Variants in COL4A1 observed in about 807,000 individuals in gnomAD.
COL4A1 encodes the protein collagen alpha-1(IV) chain.
A neutral mutation model predicts 216.6 loss-of-function variants in COL4A1; 40 were observed. That is an observed-to-expected ratio of 0.18 (90% CI 0.14 to 0.24). The LOEUF (loss-of-function observed/expected upper bound fraction) is 0.24. Among genes scored for constraint, COL4A1 ranks in the 10% least tolerant of loss-of-function variants. The probability of loss-of-function intolerance (pLI) is 1.00; values close to 1 mark genes in which losing one functional copy is unlikely to be tolerated. For synonymous variants in COL4A1, 839 were observed against 810.7 expected (o/e 1.03, Z -0.59); for missense variants, 1,628 against 2,196.8 (o/e 0.74, Z 5.18).
chr13:110,276,864 G>C (rs553778076), intron 1 of COL4A1, among the ~76,000 whole-genome samples: 1 of 152,278 alleles, frequency 6.6e-6, no homozygotes, highest in Middle Eastern at 3.4e-3. Flanking sequence ...GGCCAGATTC[G>C]GGCCACAGAT....
chr13:110,296,523 A>C (rs1451048165), intron 1 of COL4A1, among the ~76,000 whole-genome samples: 1 of 152,240 alleles, frequency 6.6e-6, no homozygotes, highest in African/African-American at 2.4e-5. Flanking sequence ...GAAGATACAA[A>C]GAGGCACAAC....
Position 110,212,482 on chromosome 13 carries a change from G to T in COL4A1, c.325-3C>A. On this transcript the variant is annotated splice_region_variant and splice_polypyrimidine_tract_variant and intron_variant, in intron 5 of 51. Transcript: ENST00000375820. ...GGGCCGTCTTGGCCAGGAATTCCCT[G>T]CAATGAAGAAAGTGAAAATGTAACC... is the stretch of plus-strand genomic sequence containing the variant. The T allele has an allele frequency of 6.2e-7, 1 of 1,614,192 alleles. No homozygotes were observed. The highest frequency in any genetic ancestry group is 8.5e-7 in the Non-Finnish European group (1 of 1,180,044).
intron 2 of COL4A1, among the ~76,000 whole-genome samples, chr13:110,223,545 C>T (rs625000): frequency 0.97 from 147,381 of 152,324 alleles, 71,495 homozygotes; most frequent in Middle Eastern, 1. Flanking sequence ...TTTTTAAAAA[C>T]ATCTTCAAAA....
At chr13:110,287,937 A>G (rs2139307813) in intron 1 of COL4A1, among the ~76,000 whole-genome samples, 1 of 152,278 alleles carries the variant, frequency 6.6e-6, no homozygotes, top group South Asian at 2.1e-4. Flanking sequence ...AACGCTGACA[A>G]CAGACCAAGA....
At chr13:110,258,067 A>G (rs572554576) in intron 1 of COL4A1, among the ~76,000 whole-genome samples, 101 of 152,330 alleles carry the variant, frequency 6.6e-4, no homozygotes, top group African/African-American at 2.4e-3. Flanking sequence ...TACAGTGCAT[A>G]CAATACAACA....
chr13:110,219,854 A>ATATATGTGTGTATATATATG lies in COL4A1; in HGVS notation c.145-5840_145-5839insCATATATATACACACATATA, dbSNP rs1566385810. Reference sequence around the variant, plus strand: ...TATGTATGTATATATGTGTATATATATGTATATATGTGTGTGTATATATGT... The same window carrying ATATATGTGTGTATATATATG: ...TATGTATGTATATATGTGTATATATATATATGTGTGTATATATATGTGTATATATGTGTGTGTATATATGT... On this transcript the variant is annotated intron_variant, in intron 2 of 51. Coordinates refer to ENST00000375820, the MANE Select transcript of COL4A1 (RefSeq NM_001845.6). Among the ~76,000 whole-genome samples the ATATATGTGTGTATATATATG allele has an allele frequency of 9.0e-4, 75 of 83,112 alleles. 1 individual carries two copies. The highest frequency in any genetic ancestry group is 2.3e-3 in the South Asian group (6 of 2,636). 54.5% of individuals were successfully genotyped at this position (83,112 alleles called of 152,430 possible).
At chr13:110,199,411 G>C (rs1024270900) in intron 20 of COL4A1, among the ~76,000 whole-genome samples, 14 of 152,340 alleles carry the variant, frequency 9.2e-5, no homozygotes, top group African/African-American at 3.1e-4. Context: ...CACAGAGCCT[G>C]AGACATCCAG....
At chr13:110,294,941 C>T (rs1338747623) in intron 1 of COL4A1, among the ~76,000 whole-genome samples, 1 of 152,158 alleles carries the variant, frequency 6.6e-6, no homozygotes, top group Non-Finnish European at 1.5e-5. Context: ...GAAATGCACA[C>T]ATGGTCTACT....
rs1198742527 is a variant in COL4A1 at position 110,161,221 on chromosome 13, C to T, written c.4611G>A (p.Thr1537=). The part of the protein sequence containing the change: ...EPMPMSMAPI[T]GENIRPFISR... Reference sequence around the variant, plus strand: ...TAATAAATGGTCTTATGTTTTCCCCCGTGATGGGTGCCATTGACATGGGCA... The same window carrying T: ...TAATAAATGGTCTTATGTTTTCCCCTGTGATGGGTGCCATTGACATGGGCA... The change falls in exon 49 of 52, where the codon ACG becomes ACA. Residue 1537 remains threonine (T), a synonymous_variant. Coordinates refer to ENST00000375820, the MANE Select transcript of COL4A1 (RefSeq NM_001845.6). 4 of 1,614,058 alleles carry T rather than the reference C, an allele frequency of 2.5e-6. No individual in the cohort carries two copies. Among genetic ancestry groups the T allele is most frequent in the South Asian group, 2.2e-5 (2 of 91,084 alleles).
rs1877055006 is a variant in COL4A1, at chr13:110,160,964, T to A, written c.4640+228A>T. On this transcript the variant is annotated intron_variant, in intron 49 of 51. Transcript: ENST00000375820. ...GCTCAAGCAACCCTCTCGCCTCGGC[T>A]TCCCAAAGTGTTGGGATTACGGGCA... The A allele has an allele frequency of 1.1e-5, 6 of 567,720 alleles. No homozygotes were observed. The East Asian group carries it at 1.9e-4, about 18-fold the overall frequency. The allele number at this position is 567,720 out of a possible 1,614,324, so 35.2% of individuals were successfully genotyped here.
At chr13:110,223,088 T>C (rs1242760063) in intron 2 of COL4A1, among the ~76,000 whole-genome samples, 1 of 152,214 alleles carries the variant, frequency 6.6e-6, no homozygotes, top group East Asian at 1.9e-4. Context: ...ACATCCATTT[T>C]ATAAATTGGG....
intron 44 of COL4A1, among the ~76,000 whole-genome samples, chr13:110,166,605 T>C (rs1877350967): frequency 6.6e-6 from 1 of 152,226 alleles, no homozygotes; most frequent in Non-Finnish European, 1.5e-5. Flanking sequence ...TTATTTCTGG[T>C]CACGTGTGTA....
At chr13:110,252,543 TTA>T (rs548342715) in intron 1 of COL4A1, among the ~76,000 whole-genome samples, 7,691 of 39,224 alleles carry the variant, frequency 0.2, 1,794 homozygotes, top group East Asian at 0.25. Context: ...TATATATGTA[TTA>T]TATATACGTA....
chr13:110,302,127 T>A (rs989813704), intron 1 of COL4A1, among the ~76,000 whole-genome samples: 1 of 151,908 alleles, frequency 6.6e-6, no homozygotes, highest in African/African-American at 2.4e-5. Context: ...CTGGGAAGCA[T>A]CCAGAAAGAA....
In COL4A1 at chr13:110,222,772, T is replaced by TAA. The variant is rs943734573; in HGVS notation, c.145-8759_145-8758dup. Among the ~76,000 whole-genome samples, 21 of 92,070 alleles carry TAA rather than the reference T, an allele frequency of 2.3e-4. 3 individuals carry two copies. Among genetic ancestry groups the TAA allele is most frequent in the African/African-American group, 8.1e-4 (19 of 23,494 alleles). The allele number at this position is 92,070 out of a possible 152,430, so 60.4% of individuals were successfully genotyped here. On this transcript the variant is annotated intron_variant, in intron 2 of 51. Coordinates refer to ENST00000375820, the MANE Select transcript of COL4A1 (RefSeq NM_001845.6). Reference sequence around the variant, plus strand: ...TGGGCGACAGAGCCAGACTCTGCTTTAAAAAAAAAAAAAAAAAAAAAAAAA... The same window carrying TAA: ...TGGGCGACAGAGCCAGACTCTGCTTTAAAAAAAAAAAAAAAAAAAAAAAAAAA...
chr13:110,183,610 G>A (rs1248409841), intron 26 of COL4A1, among the ~76,000 whole-genome samples: 3 of 152,200 alleles, frequency 2.0e-5, no homozygotes, highest in Non-Finnish European at 4.4e-5. Flanking sequence ...ATTTCTTAGT[G>A]AGCCGGTCTC....
At position 110,268,618 on chromosome 13, in the gene COL4A1, G is replaced by A. The variant is rs572713; in HGVS notation, c.85-25884C>T. ...TCAAGCCTCAGTTAAAATGCTGGCC[G>A]TGCCACTGTGCTCTGCTGGCCATTG... is the stretch of plus-strand genomic sequence containing the variant. On this transcript the variant is annotated intron_variant, in intron 1 of 51. Transcript: ENST00000375820. This position sits in a 1 kb window ranked among gnomAD's most constrained non-coding sequence, Gnocchi z 4.1. 0.1 allele frequency among the ~76,000 whole-genome samples: 15,462 copies of A among 152,240 alleles called. 1,016 individuals carry two copies. Among genetic ancestry groups the A allele is most frequent in the East Asian group, 0.31 (1,624 of 5,174 alleles).
rs1481884470 is a variant in COL4A1, at chr13:110,210,049, T to C, written c.553-7A>G. ...CTGGCAGTCCTGGTGGGCCCTAGAATGCATGAGAAAGAAATGAGTTCAGAT... is the reference window on the plus strand; with the variant it reads ...CTGGCAGTCCTGGTGGGCCCTAGAACGCATGAGAAAGAAATGAGTTCAGAT... On this transcript the variant is annotated splice_polypyrimidine_tract_variant and splice_region_variant and intron_variant, in intron 9 of 51. Coordinates refer to ENST00000375820, the MANE Select transcript of COL4A1 (RefSeq NM_001845.6). 3 of 1,613,966 alleles carry C rather than the reference T, an allele frequency of 1.9e-6. No individual in the cohort carries two copies. The highest frequency in any genetic ancestry group is 2.2e-5 in the East Asian group (1 of 44,884).
chr13:110,201,676 G>A (rs1199107673), intron 18 of COL4A1, 154 bp from the exon 19 acceptor site: 2 of 802,386 alleles, frequency 2.5e-6, no homozygotes, highest in Non-Finnish European at 2.2e-6. Context: ...AGGAGGAAGG[G>A]GATAAGCCTC....
Sources: gnomAD v4.1 joint callset for allele counts (sites outside exome capture counted in the v4.1 genomes callset) on GRCh38, gnomAD v4.1.1 for gene constraint, Gnocchi (gnomAD v3.1) non-coding constraint, MANE v1.5 for transcripts, NCBI Gene and HGNC (gene_info 2026-07-23, HGNC 2026-07-21) for gene names.